DLG5: variants seen among roughly 807,000 people sequenced by gnomAD.
DLG5 encodes discs large MAGUK scaffold protein 5.
Under a neutral mutation model 189.8 loss-of-function variants are expected in DLG5, and 48 were observed. That is an observed-to-expected ratio of 0.25 (90% CI 0.20 to 0.32). The LOEUF is 0.32. DLG5 is among the 10% of genes least tolerant of loss of function. The pLI, the probability that DLG5 is intolerant of heterozygous loss-of-function variation, is 1.00. For missense variants in DLG5, 2,160 were observed against 2,544.7 expected (o/e 0.85, Z 3.25); for synonymous variants, 1,016 against 1,054.1 (o/e 0.96, Z 0.70).
chr10:77,831,306 G>A (rs966409515), intron 9 of DLG5, among the ~76,000 whole-genome samples: 2 of 152,104 alleles, frequency 1.3e-5, no homozygotes, highest in Non-Finnish European at 2.9e-5. Flanking sequence ...TCAGGAGGCA[G>A]GAGAATTACT....
At chr10:77,824,600 A>G (rs1199303351) in intron 13 of DLG5, 124 bp from the exon 14 acceptor site, 2 of 717,112 alleles carry the variant, frequency 2.8e-6, no homozygotes, top group East Asian at 2.7e-5. Context: ...CAAAGTCAGG[A>G]GTTGGCAAAG....
At chr10:77,928,586 C>T (rs1012394442), upstream of DLG5, 1 of 152,292 alleles carries the variant, frequency 6.6e-6, no homozygotes, top group African/African-American at 2.4e-5. Context: ...CTTAAATCAT[C>T]TGCAAGGCAG....
chr10:77,818,919 G>C (rs183163033), intron 17 of DLG5, among the ~76,000 whole-genome samples: 18 of 152,254 alleles, frequency 1.2e-4, no homozygotes, highest in African/African-American at 4.3e-4. Flanking sequence ...AAAAATATCT[G>C]TCAAATGAAT....
chr10:77,805,595 T>C (rs1468123387), intron 27 of DLG5, 70 bp downstream of exon 27: 2 of 1,482,158 alleles, frequency 1.3e-6, no homozygotes, highest in Admixed American at 4.1e-5. Context: ...TAAGTCCCTG[T>C]TGTGGAGCTC....
At chr10:77,831,067 A>C (rs1842875461) in intron 9 of DLG5, among the ~76,000 whole-genome samples, 194 bp from the exon 10 acceptor site, 2 of 152,366 alleles carry the variant, frequency 1.3e-5, no homozygotes, top group South Asian at 4.1e-4. Context: ...TTTTTAAAAA[A>C]GACAAATTCT....
At position 77,792,496 on chromosome 10, in the gene DLG5, C is replaced by G; in HGVS notation, c.5704G>C (p.Ala1902Pro). 6.2e-7 allele frequency: 1 copy of G among 1,614,182 alleles called. No homozygotes were observed. The highest frequency in any genetic ancestry group is 8.5e-7 in the Non-Finnish European group (1 of 1,180,040). ...ALSSICTQIL[A>P]MVNQEQNKVL... The stretch of plus-strand genomic sequence containing the variant: ...TTATTTTGTTCTTGATTGACCATTG[C>G]CAAGATCTGAGTGCAAATGCTTGAC... The change falls in exon 32 of 32, where the codon GCA (alanine) becomes CCA (proline). Residue 1902 changes from alanine to proline, a missense_variant. Physicochemically the swap from Ala to Pro is conservative, Grantham distance 27. This residue lies in a region of DLG5 where 574 missense variants were observed against 644.2 expected (regional missense o/e 0.89). Transcript: ENST00000372391.
At chr10:77,837,611 A>G (rs1425919309) in intron 7 of DLG5, among the ~76,000 whole-genome samples, 2 of 152,238 alleles carry the variant, frequency 1.3e-5, no homozygotes, top group East Asian at 3.8e-4. Flanking sequence ...TACCTTAAAC[A>G]AATGGTAAAA....
At chr10:77,864,278 T>G (rs1012990570) in intron 2 of DLG5, among the ~76,000 whole-genome samples, 2 of 152,228 alleles carry the variant, frequency 1.3e-5, no homozygotes, top group South Asian at 2.1e-4. Flanking sequence ...AGGCCCTGTA[T>G]GCCTGTGCTT....
At chr10:77,822,982 A>G (rs2154575691) in intron 14 of DLG5, among the ~76,000 whole-genome samples, 1 of 152,334 alleles carries the variant, frequency 6.6e-6, no homozygotes, top group East Asian at 1.9e-4. Context: ...TGATATTACA[A>G]TGGTAGTACA....
chr10:77,889,175 A>G (rs969733529), intron 1 of DLG5, among the ~76,000 whole-genome samples: 3 of 149,736 alleles, frequency 2.0e-5, no homozygotes, highest in African/African-American at 5.0e-5. Flanking sequence ...GCCCACAGGT[A>G]ACCTCCCAGG....
At chr10:77,801,488 A>T (rs548903083) in intron 27 of DLG5, among the ~76,000 whole-genome samples, 1 of 152,098 alleles carries the variant, frequency 6.6e-6, no homozygotes, top group East Asian at 1.9e-4. Flanking sequence ...AAGAACAAAA[A>T]CCCCGAGGAG....
chr10:77,807,150 C>G, intron 25 of DLG5, among the ~76,000 whole-genome samples: 1 of 152,330 alleles, frequency 6.6e-6, no homozygotes, highest in East Asian at 1.9e-4. Flanking sequence ...GGGCGCATCC[C>G]CATCAAAGAA....
chr10:77,817,877 C>A lies in DLG5; in HGVS notation c.3684G>T (p.Gln1228His). The change falls in exon 18 of 32, where the codon CAG becomes CAT. Residue 1228 changes from glutamine to histidine, a missense_variant. Gln to His is a conservative substitution (Grantham distance 24). Around this residue, in one of 5 missense-constraint regions of DLG5, gnomAD observed 754 missense variants for 746.5 expected, o/e 1.01. Transcript: ENST00000372391. The stretch of plus-strand genomic sequence containing the variant: ...GGCTCAGGTCCAGGCTCAGGCGTCC[C>A]TGGTGCTGGACACTGCGTAAAAACA... Reference protein sequence around the residue: ...PQGLHPSVQHQGRLSLDLSHR... With the variant: ...PQGLHPSVQHHGRLSLDLSHR... 6.4e-7 allele frequency: 1 copy of A among 1,552,014 alleles called. No homozygotes were observed. The highest frequency in any genetic ancestry group is 2.4e-5 in the East Asian group (1 of 40,968).
At chr10:77,842,837 C>T (rs1016229262) in intron 6 of DLG5, among the ~76,000 whole-genome samples, 4 of 152,184 alleles carry the variant, frequency 2.6e-5, no homozygotes, top group South Asian at 2.1e-4. Flanking sequence ...CACAACACCA[C>T]GCTGAAGGCT....
In DLG5 at chr10:77,809,298, C is replaced by T. The variant is rs191800885; in HGVS notation, c.4647+249G>A. 3.3e-5 allele frequency among the ~76,000 whole-genome samples: 5 copies of T among 152,024 alleles called. No homozygotes were observed. In the East Asian group the frequency reaches 9.7e-4, roughly 29 times the overall value. ...GCACATGCCTGTAGTCCCAGCTACT[C>T]GGAAGGCTGAGGCAGGAGAATCGCT... On this transcript the variant is annotated intron_variant, in intron 24 of 31. Coordinates refer to ENST00000372391, the MANE Select transcript of DLG5 (RefSeq NM_004747.4).
At position 77,853,375 on chromosome 10, in the gene DLG5, G is replaced by A; in HGVS notation, c.843C>T (p.Asp281=). ...CTACCTGCTGCTGCTGGGCACGGAGGTCACCGATCTCCTTCTGGTCCTCCT... is the reference window on the plus strand; with the variant it reads ...CTACCTGCTGCTGCTGGGCACGGAGATCACCGATCTCCTTCTGGTCCTCCT... ...LHEEDQKEIG[D]LRAQQQQVLK... The change falls in exon 5 of 32, where the codon GAC becomes GAT. Residue 281 remains aspartate, a synonymous_variant. Coordinates refer to ENST00000372391, the MANE Select transcript of DLG5 (RefSeq NM_004747.4). The A allele has an allele frequency of 1.3e-6, 2 of 1,581,326 alleles. No individual in the cohort carries two copies. Among genetic ancestry groups the A allele is most frequent in the Non-Finnish European group, 1.7e-6 (2 of 1,160,718 alleles).
chr10:77,816,128 A>G (rs1362153159), intron 20 of DLG5: 2 of 483,060 alleles, frequency 4.1e-6, no homozygotes, highest in East Asian at 1.3e-4. Context: ...GCCACTAACC[A>G]CGTGGCCACA....
At chr10:77,795,610 C>T (rs1053510617) in intron 29 of DLG5, among the ~76,000 whole-genome samples, 16 of 152,162 alleles carry the variant, frequency 1.1e-4, no homozygotes, top group South Asian at 4.1e-4. Flanking sequence ...TCCCCGCCCT[C>T]GTGCTGCCTA....
chr10:77,823,664 G>A (rs1024394368), intron 14 of DLG5, among the ~76,000 whole-genome samples: 1 of 151,854 alleles, frequency 6.6e-6, no homozygotes, highest in African/African-American at 2.4e-5. Context: ...CTGAGTAGCT[G>A]GGATTACAGG....
Sources: gnomAD v4.1 joint callset for allele counts (sites outside exome capture counted in the v4.1 genomes callset) on GRCh38, gnomAD v4.1.1 for gene constraint, gnomAD v4.1.1 regional missense constraint, MANE v1.5 for transcripts, NCBI Gene and HGNC (gene_info 2026-07-23, HGNC 2026-07-21) for gene names.